SETDB2: variants seen among roughly 807,000 people sequenced by gnomAD.
SETDB2 encodes SET domain bifurcated histone lysine methyltransferase 2, also known as histone-lysine N-methyltransferase SETDB2.
SETDB2 carries 56 observed loss-of-function variants against 82.5 expected under a neutral mutation model. The observed-to-expected ratio is 0.68, with a 90% CI of 0.55 to 0.85. The LOEUF (loss-of-function observed/expected upper bound fraction) is 0.85. Ranked by LOEUF, SETDB2 falls within the 40% of genes least tolerant of loss-of-function variation. The pLI, the probability that SETDB2 is intolerant of heterozygous loss-of-function variation, is 0.00. For synonymous variants in SETDB2, 272 were observed against 284.9 expected, an observed-to-expected ratio of 0.95 and a Z score of 0.46; for missense variants, 677 against 816.4, an observed-to-expected ratio of 0.83 and a Z score of 2.08.
At chr13:49,447,329 A>G (rs1226564369) in intron 1 of SETDB2, among the ~76,000 whole-genome samples, 1 of 151,958 alleles carries the variant, frequency 6.6e-6, no homozygotes, top group Non-Finnish European at 1.5e-5. Flanking sequence ...TTGTTAACTT[A>G]TTTGTTCTAC....
intron 3 of SETDB2, 139 bp from the exon 4 acceptor site, chr13:49,460,958 T>A (rs967496511): frequency 3.7e-6 from 2 of 537,360 alleles, no homozygotes; most frequent in African/African-American, 3.8e-5. Flanking sequence ...CAGTTTCTTT[T>A]GTCTCTAATG....
At chr13:49,489,656 G>T (rs1265680925) in intron 12 of SETDB2, among the ~76,000 whole-genome samples, 2 of 137,092 alleles carry the variant, frequency 1.5e-5, no homozygotes, top group South Asian at 4.6e-4. Context: ...GAGTGCAGTG[G>T]TGTGATCTCG....
At chr13:49,451,965 A>G in intron 2 of SETDB2, 56 bp downstream of exon 2, 2 of 1,315,046 alleles carry the variant, frequency 1.5e-6, no homozygotes, top group South Asian at 1.5e-5. Flanking sequence ...AAGTATATAG[A>G]CAATGTAAGC....
rs1018281070 is a variant in SETDB2, at chr13:49,473,787, T to C, written c.306-2689T>C. On this transcript the variant is annotated intron_variant, in intron 5 of 13. Coordinates refer to ENST00000611815, the MANE Select transcript of SETDB2 (RefSeq NM_001160308.3). Reference sequence around the variant, plus strand: ...ACCTAAGGAATGTATTACAGTGAATTCTGAATGAAAGAAAATAGGGTGTTT... The same window carrying C: ...ACCTAAGGAATGTATTACAGTGAATCCTGAATGAAAGAAAATAGGGTGTTT... Among the ~76,000 whole-genome samples, 27 of 152,164 alleles carry C rather than the reference T, an allele frequency of 1.8e-4. No homozygotes were observed. The East Asian group carries it at 4.1e-3, about 23-fold the overall frequency.
intron 12 of SETDB2, among the ~76,000 whole-genome samples, chr13:49,489,977 A>G (rs955982696): frequency 7.0e-5 from 9 of 127,886 alleles, no homozygotes; most frequent in Non-Finnish European, 1.3e-4. Context: ...TTGTTTTTCA[A>G]ATTAACAGTA....
intron 11 of SETDB2, among the ~76,000 whole-genome samples, chr13:49,487,024 G>A (rs922742984): frequency 1.6e-4 from 25 of 151,798 alleles, no homozygotes; most frequent in African/African-American, 5.3e-4. Flanking sequence ...AGTGCATACC[G>A]TTGCTTTTGG....
intron 10 of SETDB2, among the ~76,000 whole-genome samples, chr13:49,484,968 A>G (rs1958566107): frequency 6.6e-6 from 1 of 152,224 alleles, no homozygotes; most frequent in Non-Finnish European, 1.5e-5. Context: ...ATCTGTAAAA[A>G]GGTAATAGTA....
chr13:49,467,868 TATG>T lies in SETDB2; in HGVS notation c.214_216del (p.Met72del). 2 of 1,583,260 alleles carry T rather than the reference TATG, an allele frequency of 1.3e-6. No individual in the cohort carries two copies. The highest frequency in any genetic ancestry group is 1.8e-5 in the Admixed American group (1 of 57,088). ...TCACATTATTTTTTTGTGTAGATCC[TATG>T]CCTGTGACTCAGAAGGAACAGGAAA... On this transcript the variant is annotated inframe_deletion, in exon 5 of 14. Transcript: ENST00000611815.
intron 6 of SETDB2, among the ~76,000 whole-genome samples, chr13:49,478,470 A>G (rs1003247250): frequency 6.6e-6 from 1 of 152,114 alleles, no homozygotes; most frequent in Non-Finnish European, 1.5e-5. Context: ...ACAGGACTAA[A>G]CCCCACAGAA....
At position 49,493,478 on chromosome 13, in the gene SETDB2, C is replaced by T. The variant is rs950356620; in HGVS notation, c.*1629C>T. On this transcript the variant is annotated 3_prime_UTR_variant, in exon 14 of 14. Transcript: ENST00000611815. ...GCTTTAGTCTGGACTGGTTCATAGCCATCATCTTCCATCAGTACCCCAGAG... is the reference window on the plus strand; with the variant it reads ...GCTTTAGTCTGGACTGGTTCATAGCTATCATCTTCCATCAGTACCCCAGAG... 1 of 152,186 alleles carries T rather than the reference C, an allele frequency of 6.6e-6. No homozygotes were observed. Among genetic ancestry groups the T allele is most frequent in the Admixed American group, 6.5e-5 (1 of 15,286 alleles). 9.4% of individuals were successfully genotyped at this position (152,186 alleles called of 1,614,324 possible).
At chr13:49,463,291 G>A (rs140436157) in intron 4 of SETDB2, among the ~76,000 whole-genome samples, 138 of 152,222 alleles carry the variant, frequency 9.1e-4, no homozygotes, top group Non-Finnish European at 1.6e-3. Context: ...GATTACAGGC[G>A]TGAGCCACCG....
intron 4 of SETDB2, among the ~76,000 whole-genome samples, chr13:49,463,820 T>C (rs2407691): frequency 0.56 from 84,344 of 151,934 alleles, 23,591 homozygotes; most frequent in African/African-American, 0.59. Flanking sequence ...AAATTTGTTT[T>C]TCTCCTCTCT....
At chr13:49,471,863 G>A (rs1958248320) in intron 5 of SETDB2, among the ~76,000 whole-genome samples, 1 of 147,698 alleles carries the variant, frequency 6.8e-6, no homozygotes, top group African/African-American at 2.5e-5. Flanking sequence ...ACCAAACATA[G>A]CTGCCCCAGC....
intron 4 of SETDB2, among the ~76,000 whole-genome samples, chr13:49,464,469 C>A (rs1958061034): frequency 6.6e-6 from 1 of 152,068 alleles, no homozygotes; most frequent in South Asian, 2.1e-4. Context: ...TCACTTGTTA[C>A]CAAGAAAAAT....
At position 49,488,342 on chromosome 13, in the gene SETDB2, A is replaced by G. The variant is rs748503460; in HGVS notation, c.1629A>G (p.Glu543=). 6.2e-7 allele frequency: 1 copy of G among 1,606,906 alleles called. No homozygotes were observed. The highest frequency in any genetic ancestry group is 8.5e-7 in the Non-Finnish European group (1 of 1,178,316). The part of the protein sequence containing the change: ...VDEFEDNLLI[E]SDVIDITKYR... ...AGTTTGAAGATAATCTGCTGATTGA[A>G]TCAGATGTGATAGATATAACTAAAT... Residue 543 remains glutamate (E), a synonymous_variant, in exon 12 of 14, where the codon GAA becomes GAG. Transcript: ENST00000611815.
chr13:49,486,316 A>T (rs2138985660), intron 11 of SETDB2, among the ~76,000 whole-genome samples: 1 of 151,870 alleles, frequency 6.6e-6, no homozygotes. Flanking sequence ...AAAAAAAAAT[A>T]AAATGTAAGT....
chr13:49,471,123 C>G (rs1958231841), intron 5 of SETDB2, among the ~76,000 whole-genome samples: 1 of 148,528 alleles, frequency 6.7e-6, no homozygotes, highest in Non-Finnish European at 1.5e-5. Context: ...GTGCATACCA[C>G]CACACCTGGC....
intron 4 of SETDB2, among the ~76,000 whole-genome samples, chr13:49,462,873 T>A (rs1958024357): frequency 6.6e-6 from 1 of 152,188 alleles, no homozygotes; most frequent in African/African-American, 2.4e-5. Flanking sequence ...ACAGTCTTCC[T>A]TTCACAGTAT....
intron 12 of SETDB2, among the ~76,000 whole-genome samples, chr13:49,489,795 C>T (rs1958670305): frequency 6.7e-6 from 1 of 149,408 alleles, no homozygotes; most frequent in Non-Finnish European, 1.5e-5. Flanking sequence ...ACAATTTCAC[C>T]ATGTTGGTCA....
Sources: allele counts gnomAD v4.1 joint callset (sites outside exome capture counted in the v4.1 genomes callset), GRCh38; gene constraint gnomAD v4.1.1; transcripts MANE v1.5; gene names NCBI Gene and HGNC (gene_info 2026-07-23, HGNC 2026-07-21).